The following FOXP1 variants were observed in gnomAD, a reference collection of about 807,000 sequenced individuals.
FOXP1 encodes forkhead box P1, also known as forkhead box protein P1.
Under a neutral mutation model 98.2 loss-of-function variants are expected in FOXP1, and 15 were observed. That is an observed-to-expected ratio of 0.15 (90% CI 0.10 to 0.24). The LOEUF (loss-of-function observed/expected upper bound fraction) is 0.24. Among genes scored for constraint, FOXP1 ranks in the 10% least tolerant of loss-of-function variants. The pLI is 1.00. For missense variants in FOXP1, 633 were observed against 848.5 expected (o/e 0.75, Z 3.15); for synonymous variants, 371 against 314.5 (o/e 1.18, Z -1.90).
intron 6 of FOXP1, among the ~76,000 whole-genome samples, chr3:71,174,785 T>TGCATACACAC (rs1553767956): frequency 6.8e-5 from 9 of 131,758 alleles, no homozygotes; most frequent in African/African-American, 2.5e-4. Context: ...TGCACATGCA[T>TGCATACACAC]ACACACACAC....
intron 6 of FOXP1, among the ~76,000 whole-genome samples, chr3:71,113,306 T>A (rs911082737): frequency 1.3e-5 from 2 of 152,180 alleles, no homozygotes; most frequent in African/African-American, 4.8e-5. Flanking sequence ...AATGACCCTT[T>A]CAAGCTTACA....
intron 14 of FOXP1, among the ~76,000 whole-genome samples, chr3:70,979,316 A>AAAAAAAAAAAAAAAAAAAAAAAAAAG (rs1553670621): frequency 1.0e-5 from 1 of 96,510 alleles, no homozygotes; most frequent in African/African-American, 4.3e-5. Flanking sequence ...AAAAAAAAAA[A>AAAAAAAAAAAAAAAAAAAAAAAAAAG]AAAAGAAAAA....
chr3:71,383,700 T>A (rs1372949463), intron 3 of FOXP1, among the ~76,000 whole-genome samples: 2 of 152,198 alleles, frequency 1.3e-5, no homozygotes, highest in Non-Finnish European at 2.9e-5. Flanking sequence ...AGCTCATCCT[T>A]GACACATCGC....
chr3:71,389,533 T>G (rs900279598), intron 3 of FOXP1, among the ~76,000 whole-genome samples: 3 of 152,080 alleles, frequency 2.0e-5, no homozygotes, highest in Admixed American at 1.3e-4. Flanking sequence ...AAAACTGAAG[T>G]GGTTCAAATG....
chr3:71,366,212 C>T (rs957064154), intron 3 of FOXP1, among the ~76,000 whole-genome samples: 1 of 151,886 alleles, frequency 6.6e-6, no homozygotes, highest in African/African-American at 2.4e-5. Context: ...AATCTCAGTT[C>T]CCCATTAATG....
chr3:71,459,695 CTAAAA>C (rs1317451653), intron 3 of FOXP1, among the ~76,000 whole-genome samples: 1 of 152,016 alleles, frequency 6.6e-6, no homozygotes, highest in African/African-American at 2.4e-5. Flanking sequence ...TCAAATACAG[CTAAAA>C]TAAAACATTT....
At chr3:71,444,019 G>A (rs1296942953) in intron 3 of FOXP1, among the ~76,000 whole-genome samples, 7 of 152,110 alleles carry the variant, frequency 4.6e-5, no homozygotes, top group Admixed American at 4.6e-4. Flanking sequence ...AGCCCAACTG[G>A]TTTCTACCTA....
intron 14 of FOXP1, among the ~76,000 whole-genome samples, chr3:70,987,144 A>G (rs533896849): frequency 7.4e-4 from 112 of 152,368 alleles, no homozygotes; most frequent in African/African-American, 2.6e-3. Flanking sequence ...TAAATTTTAC[A>G]AATCTTAAAA....
At chr3:71,574,715 T>C (rs973949242) in intron 2 of FOXP1, among the ~76,000 whole-genome samples, 1 of 152,152 alleles carries the variant, frequency 6.6e-6, no homozygotes, top group Admixed American at 6.5e-5. Flanking sequence ...CATCTGACAC[T>C]AATTGGTAGC....
chr3:71,385,766 T>C (rs1258591238), intron 3 of FOXP1, among the ~76,000 whole-genome samples: 1 of 152,204 alleles, frequency 6.6e-6, no homozygotes, highest in Non-Finnish European at 1.5e-5. Flanking sequence ...CTTTATCTCC[T>C]AAGACTGATT....
intron 6 of FOXP1, among the ~76,000 whole-genome samples, chr3:71,187,012 G>A (rs2108313791): frequency 6.6e-6 from 1 of 152,370 alleles, no homozygotes; most frequent in East Asian, 1.9e-4. Context: ...GGGTGTGGCT[G>A]TGTTTCAACA....
chr3:71,262,564 A>G (rs1180155264), intron 5 of FOXP1, among the ~76,000 whole-genome samples: 3 of 152,186 alleles, frequency 2.0e-5, no homozygotes, highest in African/African-American at 4.8e-5. Context: ...AGCATCATTA[A>G]TCACTGTCTC....
At chr3:71,109,614 C>T (rs190719274) in intron 7 of FOXP1, among the ~76,000 whole-genome samples, 7 of 152,236 alleles carry the variant, frequency 4.6e-5, no homozygotes, top group Non-Finnish European at 7.4e-5. Context: ...GCCACTCCGG[C>T]GGAGACGCCT....
chr3:71,371,979 T>C (rs1024019385), intron 3 of FOXP1, among the ~76,000 whole-genome samples: 51 of 152,198 alleles, frequency 3.4e-4, no homozygotes, highest in African/African-American at 1.2e-3. Context: ...CCCTGGCTCT[T>C]TGTACATGAG....
chr3:71,235,153 C>T (rs560232911), intron 5 of FOXP1, among the ~76,000 whole-genome samples: 20 of 152,128 alleles, frequency 1.3e-4, no homozygotes, highest in Admixed American at 5.9e-4. Flanking sequence ...CTTAGCAAAG[C>T]GACTGTAGAT....
chr3:71,347,451 A>G (rs2077435407), intron 4 of FOXP1, among the ~76,000 whole-genome samples: 1 of 152,230 alleles, frequency 6.6e-6, no homozygotes, highest in Non-Finnish European at 1.5e-5. Context: ...GCAGAGCCAG[A>G]GCCTTCTAGA....
At chr3:71,491,042 G>C (rs769991022) in intron 3 of FOXP1, among the ~76,000 whole-genome samples, 1 of 152,096 alleles carries the variant, frequency 6.6e-6, no homozygotes, top group East Asian at 1.9e-4. Flanking sequence ...TTGAGACGGA[G>C]TCTCACTTTC....
At chr3:71,467,532 G>T (rs2088896085) in intron 3 of FOXP1, among the ~76,000 whole-genome samples, 2 of 152,166 alleles carry the variant, frequency 1.3e-5, no homozygotes, top group South Asian at 4.1e-4. Flanking sequence ...ATTGTTCAAG[G>T]TGTGTCCTCA....
At chr3:71,109,805 T>C (rs2057759577) in intron 7 of FOXP1, among the ~76,000 whole-genome samples, 1 of 152,176 alleles carries the variant, frequency 6.6e-6, no homozygotes, top group African/African-American at 2.4e-5. Flanking sequence ...TGCATGACCC[T>C]ATCAGGCAGC....
Sources: allele counts gnomAD v4.1 joint callset (sites outside exome capture counted in the v4.1 genomes callset), GRCh38; gene constraint gnomAD v4.1.1; transcripts MANE v1.5; gene names NCBI Gene and HGNC (gene_info 2026-07-23, HGNC 2026-07-21).